PKD2: variants seen among roughly 807,000 people sequenced by gnomAD.
PKD2 encodes the protein polycystin 2, transient receptor potential cation channel, also known as polycystin-2.
PKD2 carries 48 observed loss-of-function variants against 105.9 expected under a neutral mutation model. That is an observed-to-expected ratio of 0.45 (90% CI 0.36 to 0.58). The LOEUF (loss-of-function observed/expected upper bound fraction) is 0.58, where lower values mean the gene tolerates loss of function less well. Among genes scored for constraint, PKD2 ranks in the 20% least tolerant of loss-of-function variants. PKD2 has a pLI of 0.00. For synonymous variants in PKD2, 464 were observed against 481.1 expected, an observed-to-expected ratio of 0.96 and a Z score of 0.46; for missense variants, 1,078 against 1,255.3, an observed-to-expected ratio of 0.86 and a Z score of 2.13.
chr4:88,070,589 TATATATATATATAGAGAGAG>T (rs1438376578), intron 13 of PKD2, among the ~76,000 whole-genome samples: 2 of 105,344 alleles, frequency 1.9e-5, no homozygotes, highest in African/African-American at 6.4e-5. Flanking sequence ...TATATATATA[TATATATATATATAGAGAGAG>T]AGAGAGAGAG....
chr4:88,055,953 AT>A (rs1720312473), intron 7 of PKD2, 132 bp from the exon 8 acceptor site: 1 of 708,714 alleles, frequency 1.4e-6, no homozygotes, highest in Non-Finnish European at 2.5e-6. Context: ...ACTTTGCATG[AT>A]GTTTTCAAGG....
intron 2 of PKD2, among the ~76,000 whole-genome samples, chr4:88,022,572 C>T (rs2110091933): frequency 6.6e-6 from 1 of 152,300 alleles, no homozygotes; most frequent in East Asian, 1.9e-4. Flanking sequence ...CTAGCAAAAC[C>T]TTACTGGCTT....
In PKD2 at chr4:88,023,946, A is replaced by G. The variant is rs1726857427; in HGVS notation, c.709+4375A>G. Among the ~76,000 whole-genome samples the G allele has an allele frequency of 2.6e-5, 4 of 152,300 alleles. No homozygotes were observed. In the South Asian group the frequency reaches 6.2e-4, roughly 24 times the overall value. On this transcript the variant is annotated intron_variant, in intron 2 of 14. Coordinates refer to ENST00000237596, the MANE Select transcript of PKD2 (RefSeq NM_000297.4). ...TGCCCTGTGTTTTTAAAATCAGTCTACTTAACCAAGAGAACAGAAATGACA... is the reference window on the plus strand; with the variant it reads ...TGCCCTGTGTTTTTAAAATCAGTCTGCTTAACCAAGAGAACAGAAATGACA...
chr4:88,019,971 T>G (rs2110089655), intron 2 of PKD2, among the ~76,000 whole-genome samples: 1 of 152,318 alleles, frequency 6.6e-6, no homozygotes, highest in East Asian at 1.9e-4. Flanking sequence ...TTGGTCAAGT[T>G]CTCTTCTGCA....
At chr4:88,068,465 G>A (rs1401003073) in intron 13 of PKD2, among the ~76,000 whole-genome samples, 1 of 128,260 alleles carries the variant, frequency 7.8e-6, no homozygotes, top group African/African-American at 4.1e-5. Flanking sequence ...GCAAGACTCT[G>A]TCTCAAAAAA....
chr4:88,007,936 C>T lies in PKD2; in HGVS notation c.203C>T (p.Pro68Leu). ...RIRQAAARDP[P>L]AGAAASPSPP... The stretch of plus-strand genomic sequence containing the variant: ...CGGCAGGCGGCCGCGCGGGACCCCC[C>T]GGCCGGAGCCGCGGCCTCCCCTTCT... Residue 68 changes from proline (P) to leucine (L), a missense_variant, in exon 1 of 15, where the codon CCG (proline) becomes CTG (leucine). Pro to Leu is a moderately conservative substitution (Grantham distance 98). Coordinates refer to ENST00000237596, the MANE Select transcript of PKD2 (RefSeq NM_000297.4). 2.7e-6 allele frequency: 4 copies of T among 1,461,612 alleles called. No individual in the cohort carries two copies. The highest frequency in any genetic ancestry group is 2.0e-4 in the Middle Eastern group (1 of 4,938). 90.5% of individuals were successfully genotyped at this position (1,461,612 alleles called of 1,614,324 possible).
chr4:88,016,815 G>T (rs1374815948), intron 1 of PKD2, among the ~76,000 whole-genome samples: 1 of 151,940 alleles, frequency 6.6e-6, no homozygotes, highest in African/African-American at 2.4e-5. Context: ...TAAAAACTTA[G>T]TTGGGCTTGG....
At chr4:88,028,900 G>A (rs1727047780) in intron 2 of PKD2, among the ~76,000 whole-genome samples, 1 of 152,010 alleles carries the variant, frequency 6.6e-6, no homozygotes, top group Non-Finnish European at 1.5e-5. Flanking sequence ...AATAATACTA[G>A]CCAATACTAC....
chr4:88,062,464 G>A (rs1215527878), intron 10 of PKD2, among the ~76,000 whole-genome samples: 2 of 152,162 alleles, frequency 1.3e-5, no homozygotes, highest in Non-Finnish European at 2.9e-5. Context: ...TTCCACGGCA[G>A]TTTTAAAATA....
chr4:88,012,944 GCA>G (rs1053114180), intron 1 of PKD2, among the ~76,000 whole-genome samples: 2 of 151,814 alleles, frequency 1.3e-5, no homozygotes, highest in African/African-American at 2.4e-5. Context: ...GTGTACATGT[GCA>G]CACACAATGA....
intron 6 of PKD2, among the ~76,000 whole-genome samples, chr4:88,050,903 G>A (rs1720072398): frequency 6.6e-6 from 1 of 152,148 alleles, no homozygotes; most frequent in Non-Finnish European, 1.5e-5. Context: ...GAATCAGTGG[G>A]ACCATGATCT....
At chr4:88,064,535 G>C (rs1446620506) in intron 10 of PKD2, among the ~76,000 whole-genome samples, 1 of 152,136 alleles carries the variant, frequency 6.6e-6, no homozygotes, top group African/African-American at 2.4e-5. Context: ...CACAATTTCA[G>C]CTTGCATGGT....
intron 4 of PKD2, among the ~76,000 whole-genome samples, chr4:88,039,871 A>G (rs1482480080): frequency 1.3e-5 from 2 of 152,096 alleles, no homozygotes; most frequent in African/African-American, 2.4e-5. Flanking sequence ...CCTCCCAAGT[A>G]GCTGGGACTA....
chr4:88,037,990 T>A (rs1727402406), intron 3 of PKD2, among the ~76,000 whole-genome samples: 1 of 152,200 alleles, frequency 6.6e-6, no homozygotes, highest in Non-Finnish European at 1.5e-5. Flanking sequence ...AAGTACCCAC[T>A]CTGTGCCAGG....
intron 8 of PKD2, among the ~76,000 whole-genome samples, chr4:88,056,658 TA>T (rs780433379): frequency 5.0e-4 from 76 of 152,234 alleles, no homozygotes; most frequent in Non-Finnish European, 1.5e-4. Flanking sequence ...AAAAACAAGA[TA>T]TTTCTAATAT....
chr4:88,014,199 G>C (rs761100591), intron 1 of PKD2, among the ~76,000 whole-genome samples: 2 of 152,230 alleles, frequency 1.3e-5, no homozygotes, highest in Non-Finnish European at 2.9e-5. Flanking sequence ...CAAATTTCTG[G>C]CATGGTACCA....
At chr4:88,033,773 G>C (rs991534699) in intron 2 of PKD2, among the ~76,000 whole-genome samples, 1 of 152,132 alleles carries the variant, frequency 6.6e-6, no homozygotes, top group African/African-American at 2.4e-5. Context: ...ATATTAATCA[G>C]TCAATGCAAA....
chr4:88,070,432 G>A (rs980984252), intron 13 of PKD2, among the ~76,000 whole-genome samples: 4 of 151,434 alleles, frequency 2.6e-5, no homozygotes, highest in African/African-American at 7.3e-5. Context: ...GGCTCTGTTC[G>A]TCGTCATTTT....
intron 7 of PKD2, among the ~76,000 whole-genome samples, chr4:88,052,878 A>C (rs569801507): frequency 2.1e-4 from 32 of 152,304 alleles, no homozygotes; most frequent in African/African-American, 7.0e-4. Context: ...TAGAGGCTGT[A>C]AGGGAAGCTT....
Sources: gnomAD v4.1 joint callset for allele counts (sites outside exome capture counted in the v4.1 genomes callset) on GRCh38, gnomAD v4.1.1 for gene constraint, MANE v1.5 for transcripts, NCBI Gene and HGNC (gene_info 2026-07-23, HGNC 2026-07-21) for gene names.